HACE1: variants seen among roughly 807,000 people sequenced by gnomAD.
HACE1 encodes the protein HECT domain and ankyrin repeat containing E3 ubiquitin protein ligase 1, also known as E3 ubiquitin-protein ligase HACE1.
In HACE1, 73 loss-of-function variants were observed where a neutral mutation model predicts 118.4. The ratio of observed to expected loss-of-function variants is 0.62; its 90% confidence interval spans 0.51 to 0.75. HACE1 has a LOEUF of 0.75. HACE1 is among the 30% of genes least tolerant of loss of function. HACE1 has a pLI of 0.00. For synonymous variants in HACE1, 368 were observed against 374.8 expected (o/e 0.98, Z 0.21); for missense variants, 749 against 1,102.2 (o/e 0.68, Z 4.54).
At chr6:104,805,816 G>C (rs143541179) in intron 7 of HACE1, among the ~76,000 whole-genome samples, 2 of 151,866 alleles carry the variant, frequency 1.3e-5, no homozygotes, top group African/African-American at 4.8e-5. Flanking sequence ...TAACAAACCC[G>C]CACGTTGTGC....
rs555840401 is a variant in HACE1 at position 104,769,324 on chromosome 6, C to A, written c.2211+1869G>T. On this transcript the variant is annotated intron_variant, in intron 19 of 23. Coordinates refer to ENST00000262903, the MANE Select transcript of HACE1 (RefSeq NM_020771.4). ...CACTGGAATACAATTGTTACTAGAT[C>A]TTTCCACTTTGTCATATATATCTGA... Among the ~76,000 whole-genome samples, 7 of 152,262 alleles carry A rather than the reference C, an allele frequency of 4.6e-5. No individual in the cohort carries two copies. In the East Asian group the frequency reaches 1.3e-3, roughly 29 times the overall value.
chr6:104,801,795 G>T (rs1021706275), intron 7 of HACE1, among the ~76,000 whole-genome samples: 1 of 152,094 alleles, frequency 6.6e-6, no homozygotes, highest in East Asian at 1.9e-4. Context: ...TGAAGAAACT[G>T]CATCAATTAA....
At chr6:104,774,876 A>G (rs1781060737) in intron 17 of HACE1, among the ~76,000 whole-genome samples, 1 of 152,242 alleles carries the variant, frequency 6.6e-6, no homozygotes, top group Admixed American at 6.5e-5. Flanking sequence ...TTAAAAAATT[A>G]TTATAGATAT....
chr6:104,816,217 T>C (rs908689416), intron 6 of HACE1, among the ~76,000 whole-genome samples: 4 of 152,210 alleles, frequency 2.6e-5, no homozygotes, highest in Non-Finnish European at 5.9e-5. Context: ...TGAATGTTAA[T>C]AACCAAGACA....
intron 14 of HACE1, among the ~76,000 whole-genome samples, chr6:104,778,112 G>C (rs578072762): frequency 1.3e-4 from 20 of 152,056 alleles, no homozygotes; most frequent in African/African-American, 4.8e-4. Context: ...TGCAGAAATT[G>C]GAACGTAATT....
chr6:104,850,149 C>G (rs902006353), intron 3 of HACE1, among the ~76,000 whole-genome samples: 5 of 151,884 alleles, frequency 3.3e-5, no homozygotes, highest in African/African-American at 9.7e-5. Flanking sequence ...GGGGTTTCAC[C>G]ATGTTGGCGA....
chr6:104,836,978 C>G (rs1774605518), intron 5 of HACE1, among the ~76,000 whole-genome samples: 1 of 152,116 alleles, frequency 6.6e-6, no homozygotes, highest in Non-Finnish European at 1.5e-5. Flanking sequence ...GTACAAAATT[C>G]TAATGAATAA....
chr6:104,768,482 T>C (rs981903574), intron 19 of HACE1, among the ~76,000 whole-genome samples: 1 of 152,106 alleles, frequency 6.6e-6, no homozygotes, highest in African/African-American at 2.4e-5. Context: ...CAAGGTAAAA[T>C]GTGATGTGTT....
chr6:104,738,856 C>T (rs1011703752), intron 22 of HACE1, among the ~76,000 whole-genome samples: 1 of 150,724 alleles, frequency 6.6e-6, no homozygotes, highest in Non-Finnish European at 1.5e-5. Flanking sequence ...AACTCCAAGA[C>T]ACATAACTGT....
rs1416470835 is a variant in HACE1 at position 104,730,384 on chromosome 6, A to T, written c.2546T>A (p.Ile849Asn). The T allele has an allele frequency of 1.3e-6, 2 of 1,587,192 alleles. No homozygotes were observed. ...GTTTTGCAATCCACTTCCACCCATG[A>T]TATTAGCAAACCCACCATGTGGGAC... ...SRVPHGGFANIMGGSGLQNFT... is the reference protein window; with the variant it reads ...SRVPHGGFANNMGGSGLQNFT... The change falls in exon 23 of 24, where the codon ATC (isoleucine) becomes AAC (asparagine). Residue 849 changes from isoleucine to asparagine, a missense_variant. Ile to Asn is a moderately radical substitution (Grantham distance 149). Coordinates refer to ENST00000262903, the MANE Select transcript of HACE1 (RefSeq NM_020771.4).
At chr6:104,819,054 GA>G (rs1772411270) in intron 6 of HACE1, among the ~76,000 whole-genome samples, 1 of 152,204 alleles carries the variant, frequency 6.6e-6, no homozygotes, top group South Asian at 2.1e-4. Flanking sequence ...TCAGGCAAGA[GA>G]AAAAAACAAA....
intron 7 of HACE1, among the ~76,000 whole-genome samples, chr6:104,804,883 C>T (rs145493699): frequency 0.11 from 16,678 of 152,162 alleles, 939 homozygotes; most frequent in Admixed American, 0.15. Context: ...TAAAGAGCTT[C>T]TGCACAGCAA....
intron 22 of HACE1, among the ~76,000 whole-genome samples, chr6:104,742,772 G>T (rs1345608007): frequency 6.6e-6 from 1 of 151,984 alleles, no homozygotes; most frequent in East Asian, 1.9e-4. Context: ...CAGGGATCTA[G>T]AACTGGAAAT....
In HACE1 at chr6:104,771,245, T is replaced by TC; in HGVS notation, c.2158dup (p.Glu720GlyfsTer17). On this transcript the variant is annotated frameshift_variant, in exon 19 of 24. Transcript: ENST00000262903. LOFTEE classifies it high-confidence loss of function. Reference sequence around the variant, plus strand: ...CCCACCCCCAGGTTTCAAAGGCACCTCTTCCATTGCTCCAAACACATCAGT... The same window carrying TC: ...CCCACCCCCAGGTTTCAAAGGCACCTCCTTCCATTGCTCCAAACACATCAGT... 1.2e-6 allele frequency: 2 copies of TC among 1,613,716 alleles called. No individual in the cohort carries two copies. Among genetic ancestry groups the TC allele is most frequent in the Non-Finnish European group, 1.7e-6 (2 of 1,179,640 alleles).
intron 7 of HACE1, 69 bp downstream of exon 7, chr6:104,811,242 T>TACATATATATATATATATA (rs1177876499): frequency 5.3e-6 from 1 of 189,558 alleles, no homozygotes; most frequent in Non-Finnish European, 9.7e-6. Context: ...ATTTCTTTAT[T>TACATATATATATATATATA]TATACATATA....
chr6:104,843,340 A>T, intron 4 of HACE1, 42 bp from the exon 5 acceptor site: 1 of 868,926 alleles, frequency 1.2e-6, no homozygotes, highest in Non-Finnish European at 2.0e-6. Flanking sequence ...TACTTAAAAA[A>T]TATATGCAAA....
intron 6 of HACE1, among the ~76,000 whole-genome samples, chr6:104,829,635 C>T (rs979070594): frequency 6.6e-6 from 1 of 152,064 alleles, no homozygotes; most frequent in African/African-American, 2.4e-5. Context: ...TTCCCTTTAC[C>T]TGTATATGAT....
At chr6:104,743,623 T>G (rs924408457) in intron 22 of HACE1, among the ~76,000 whole-genome samples, 2 of 151,988 alleles carry the variant, frequency 1.3e-5, no homozygotes, top group African/African-American at 4.8e-5. Flanking sequence ...ATCATCTAGT[T>G]TTCTAATATC....
At chr6:104,736,277 A>G (rs1260029442) in intron 22 of HACE1, among the ~76,000 whole-genome samples, 1 of 151,222 alleles carries the variant, frequency 6.6e-6, no homozygotes, top group Non-Finnish European at 1.5e-5. Context: ...TTTATTTATT[A>G]TTTTTTATTA....
Sources: gnomAD v4.1 joint callset for allele counts (sites outside exome capture counted in the v4.1 genomes callset) on GRCh38, gnomAD v4.1.1 for gene constraint, MANE v1.5 for transcripts, NCBI Gene and HGNC (gene_info 2026-07-23, HGNC 2026-07-21) for gene names.